ALK: variants seen among roughly 807,000 people sequenced by gnomAD.
ALK encodes the protein ALK tyrosine kinase receptor.
A neutral mutation model predicts 163.1 loss-of-function variants in ALK; 74 were observed. That is an observed-to-expected ratio of 0.45 (90% CI 0.38 to 0.55). The LOEUF (loss-of-function observed/expected upper bound fraction) is 0.55. Among genes scored for constraint, ALK ranks in the 20% least tolerant of loss-of-function variants. The pLI, the probability that ALK is intolerant of heterozygous loss-of-function variation, is 0.00. For synonymous variants in ALK, 960 were observed against 843.2 expected (o/e 1.14, Z -2.40); for missense variants, 2,063 against 2,105.3 (o/e 0.98, Z 0.39).
chr2:29,461,069 C>T (rs1671073369), intron 4 of ALK, among the ~76,000 whole-genome samples: 1 of 152,184 alleles, frequency 6.6e-6, no homozygotes, highest in Non-Finnish European at 1.5e-5. Context: ...GAGATCAAAT[C>T]AGCCAAAATA....
intron 3 of ALK, among the ~76,000 whole-genome samples, chr2:29,652,945 T>C (rs1349861352): frequency 6.6e-6 from 1 of 152,124 alleles, no homozygotes; most frequent in Non-Finnish European, 1.5e-5. Flanking sequence ...CTCTAGCAAA[T>C]TAATCAAACC....
chr2:29,498,037 T>C (rs551053392), intron 4 of ALK, among the ~76,000 whole-genome samples: 6 of 152,218 alleles, frequency 3.9e-5, no homozygotes, highest in Non-Finnish European at 8.8e-5. Context: ...TTAGGATTCA[T>C]TTCTTCCTCT....
chr2:29,830,746 A>C lies in ALK; in HGVS notation c.667+89247T>G, dbSNP rs1230739210. Among the ~76,000 whole-genome samples, 13 of 123,094 alleles carry C rather than the reference A, an allele frequency of 1.1e-4. No homozygotes were observed. In the East Asian group the frequency reaches 2.6e-3, roughly 25 times the overall value. The allele number at this position is 123,094 out of a possible 152,430, so 80.8% of individuals were successfully genotyped here. The stretch of plus-strand genomic sequence containing the variant: ...AAAAAAAAAAAAAAAAAAAAAAAAA[A>C]AAAAAAACTTAGCCAAGCATGGTGG... On this transcript the variant is annotated intron_variant, in intron 1 of 28. Coordinates refer to ENST00000389048, the MANE Select transcript of ALK (RefSeq NM_004304.5).
At chr2:29,231,275 TGGCATGAGCC>T (rs1664197662) in intron 15 of ALK, among the ~76,000 whole-genome samples, 1 of 152,132 alleles carries the variant, frequency 6.6e-6, no homozygotes, top group Non-Finnish European at 1.5e-5. Flanking sequence ...AAGTCAGAGG[TGGCATGAGCC>T]GAGACCGTGC....
At chr2:29,577,397 G>A (rs1356177944) in intron 3 of ALK, among the ~76,000 whole-genome samples, 1 of 152,168 alleles carries the variant, frequency 6.6e-6, no homozygotes, top group Non-Finnish European at 1.5e-5. Flanking sequence ...CCTCCCTCAG[G>A]TGTGACAAAA....
intron 4 of ALK, among the ~76,000 whole-genome samples, chr2:29,434,118 C>A (rs939346608): frequency 2.0e-5 from 3 of 152,158 alleles, no homozygotes; most frequent in African/African-American, 7.2e-5. Flanking sequence ...TCACCACTTG[C>A]ACCTGTACCA....
intron 1 of ALK, among the ~76,000 whole-genome samples, chr2:29,762,039 T>C (rs1478633087): frequency 2.0e-5 from 3 of 152,204 alleles, no homozygotes; most frequent in Non-Finnish European, 2.9e-5. Context: ...ATCTGCACAA[T>C]GTAAATTCAA....
intron 4 of ALK, among the ~76,000 whole-genome samples, chr2:29,530,007 T>A (rs935576867): frequency 6.6e-6 from 1 of 150,438 alleles, no homozygotes; most frequent in Non-Finnish European, 1.5e-5. Flanking sequence ...GGCACTGACA[T>A]GGCAAGTCCC....
intron 4 of ALK, among the ~76,000 whole-genome samples, chr2:29,396,182 C>A (rs1669298471): frequency 6.6e-6 from 1 of 152,240 alleles, no homozygotes; most frequent in South Asian, 2.1e-4. Flanking sequence ...CCCTCCCGTG[C>A]TGCTTATACT....
intron 3 of ALK, among the ~76,000 whole-genome samples, chr2:29,619,938 G>C (rs1253193115): frequency 2.0e-5 from 3 of 152,170 alleles, no homozygotes; most frequent in African/African-American, 7.2e-5. Context: ...CATCGAGCTA[G>C]GGCTGCCCAA....
chr2:29,509,829 T>C (rs1445224453), intron 4 of ALK, among the ~76,000 whole-genome samples: 4 of 152,122 alleles, frequency 2.6e-5, no homozygotes, highest in Admixed American at 1.3e-4. Context: ...GGGAGAAGCA[T>C]TTAAAAAGAG....
intron 3 of ALK, among the ~76,000 whole-genome samples, chr2:29,581,341 T>C (rs1358758677): frequency 2.0e-5 from 3 of 152,108 alleles, no homozygotes; most frequent in African/African-American, 4.8e-5. Context: ...TGAGCCGAGA[T>C]TGTGCCACTG....
At chr2:29,494,649 T>C (rs1433754715) in intron 4 of ALK, among the ~76,000 whole-genome samples, 1 of 152,110 alleles carries the variant, frequency 6.6e-6, no homozygotes, top group Non-Finnish European at 1.5e-5. Flanking sequence ...GGGTGAGTTG[T>C]GCTAGCTGCT....
At chr2:29,658,870 A>T (rs1446807562) in intron 3 of ALK, among the ~76,000 whole-genome samples, 1 of 152,190 alleles carries the variant, frequency 6.6e-6, no homozygotes, top group Non-Finnish European at 1.5e-5. Flanking sequence ...CATAAGTTTA[A>T]TTCCCTCTTT....
intron 4 of ALK, among the ~76,000 whole-genome samples, chr2:29,528,413 A>G (rs1411830031): frequency 6.6e-6 from 1 of 152,212 alleles, no homozygotes; most frequent in Non-Finnish European, 1.5e-5. Context: ...AGTGTGGTGC[A>G]GTGGGTGGCT....
chr2:29,336,946 G>A (rs561864488), intron 5 of ALK, among the ~76,000 whole-genome samples: 72 of 152,192 alleles, frequency 4.7e-4, no homozygotes, highest in African/African-American at 1.6e-3. Flanking sequence ...GACGACACGT[G>A]GGGGAACCTG....
intron 1 of ALK, among the ~76,000 whole-genome samples, chr2:29,775,745 T>C (rs987858377): frequency 6.6e-6 from 1 of 152,194 alleles, no homozygotes; most frequent in African/African-American, 2.4e-5. Context: ...TACCTGTCCA[T>C]AGCCTATTGT....
intron 4 of ALK, among the ~76,000 whole-genome samples, chr2:29,492,046 A>G (rs1671915579): frequency 6.6e-6 from 1 of 152,232 alleles, no homozygotes; most frequent in African/African-American, 2.4e-5. Context: ...TAGACTGTAA[A>G]TGAAATATCT....
intron 1 of ALK, among the ~76,000 whole-genome samples, chr2:29,777,300 C>A (rs911392885): frequency 1.3e-5 from 2 of 152,034 alleles, no homozygotes; most frequent in Admixed American, 1.3e-4. Flanking sequence ...ACATCATGAC[C>A]TTCTTAGAGA....
Sources: allele counts gnomAD v4.1 joint callset (sites outside exome capture counted in the v4.1 genomes callset), GRCh38; gene constraint gnomAD v4.1.1; transcripts MANE v1.5; gene names NCBI Gene and HGNC (gene_info 2026-07-23, HGNC 2026-07-21).